SP100: variants seen among roughly 807,000 people sequenced by gnomAD.
SP100 encodes the protein nuclear autoantigen Sp-100.
Under a neutral mutation model 130.0 loss-of-function variants are expected in SP100, and 84 were observed. The ratio of observed to expected loss-of-function variants is 0.65; its 90% confidence interval spans 0.54 to 0.77. SP100 has a LOEUF of 0.77. SP100 is among the 30% of genes least tolerant of loss of function. SP100 has a pLI of 0.00. For missense variants in SP100, 978 were observed against 1,052.2 expected (o/e 0.93, Z 0.97); for synonymous variants, 331 against 351.7 (o/e 0.94, Z 0.66).
At chr2:230,442,869 C>T (rs17333189) in intron 2 of SP100, 68 bp from the exon 3 acceptor site, 236,193 of 1,374,646 alleles carry the variant, frequency 0.17, 20,983 homozygotes, top group Non-Finnish European at 0.18. Flanking sequence ...TATATGTAAA[C>T]TCTTACAGCC....
chr2:230,445,713 T>A (rs2063680352), intron 4 of SP100, among the ~76,000 whole-genome samples: 1 of 152,152 alleles, frequency 6.6e-6, no homozygotes, highest in East Asian at 1.9e-4. Context: ...AGCAGGATGG[T>A]CCAGGCTGCG....
intron 8 of SP100, among the ~76,000 whole-genome samples, chr2:230,453,840 T>C (rs1009119297): frequency 2.6e-5 from 4 of 152,210 alleles, no homozygotes; most frequent in African/African-American, 9.6e-5. Flanking sequence ...GTCCCTCTTA[T>C]TCAATTTTTA....
intron 2 of SP100, among the ~76,000 whole-genome samples, chr2:230,434,849 C>T (rs891247757): frequency 6.6e-6 from 1 of 152,070 alleles, no homozygotes; most frequent in Non-Finnish European, 1.5e-5. Context: ...ACAGCAGAGG[C>T]GAGTGTGGCC....
At chr2:230,505,245 A>G (rs1211623197) in intron 21 of SP100, among the ~76,000 whole-genome samples, 1 of 152,178 alleles carries the variant, frequency 6.6e-6, no homozygotes, top group Non-Finnish European at 1.5e-5. Flanking sequence ...CTATGAGGCC[A>G]TCTCCTCTTA....
At chr2:230,481,449 G>A (rs958513525) in intron 17 of SP100, among the ~76,000 whole-genome samples, 16 of 151,964 alleles carry the variant, frequency 1.1e-4, no homozygotes, top group African/African-American at 2.4e-4. Context: ...CTAACCCCTC[G>A]CACTCTCTCT....
intron 3 of SP100, among the ~76,000 whole-genome samples, chr2:230,443,580 G>T (rs2063554914): frequency 6.6e-6 from 1 of 152,180 alleles, no homozygotes; most frequent in South Asian, 2.1e-4. Flanking sequence ...GGACAAATTT[G>T]GAGGTAGATG....
At chr2:230,457,627 TG>T (rs2064351221) in intron 8 of SP100, among the ~76,000 whole-genome samples, 1 of 152,204 alleles carries the variant, frequency 6.6e-6, no homozygotes, top group South Asian at 2.1e-4. Flanking sequence ...TTCCTGGAGT[TG>T]GGGAAGATGA....
At position 230,417,558 on chromosome 2, in the gene SP100, T is replaced by G. The variant is rs376605309; in HGVS notation, c.33-33T>G. ...TAATTATTGAGGCAAAGGGTCCAGTTATTTACTTGGTCCTGCCAAATTGTC... is the reference window on the plus strand; with the variant it reads ...TAATTATTGAGGCAAAGGGTCCAGTGATTTACTTGGTCCTGCCAAATTGTC... On this transcript the variant is annotated intron_variant, in intron 1 of 28. Transcript: ENST00000340126. 4.4e-6 allele frequency: 7 copies of G among 1,603,910 alleles called. No homozygotes were observed. In the African/African-American group the frequency reaches 9.4e-5, roughly 21 times the overall value.
At chr2:230,494,007 T>C (rs1420865264) in intron 17 of SP100, 2 of 181,972 alleles carry the variant, frequency 1.1e-5, no homozygotes, top group Non-Finnish European at 2.3e-5. Flanking sequence ...ATTCACCCAC[T>C]TTGGCCTCCC....
intron 24 of SP100, among the ~76,000 whole-genome samples, chr2:230,531,790 G>T (rs991736808): frequency 6.6e-6 from 1 of 152,022 alleles, no homozygotes; most frequent in Non-Finnish European, 1.5e-5. Context: ...TGGGTGTGGT[G>T]GACCTAAGGA....
intron 24 of SP100, among the ~76,000 whole-genome samples, chr2:230,521,851 C>A (rs1197694939): frequency 6.6e-6 from 1 of 152,188 alleles, no homozygotes; most frequent in Non-Finnish European, 1.5e-5. Context: ...CTAGGAAGAA[C>A]AGCCTTTGAA....
intron 9 of SP100, among the ~76,000 whole-genome samples, chr2:230,461,948 CAAAAAAGAAAA>C (rs2064669609): frequency 8.0e-6 from 1 of 125,364 alleles, no homozygotes. Context: ...GACTCTGTCT[CAAAAAAGAAAA>C]AAAAAAGGAA....
Position 230,545,500 on chromosome 2 carries a change from C to T in SP100, c.*2554C>T, listed in dbSNP as rs986500756. 4.6e-5 allele frequency among the ~76,000 whole-genome samples: 7 copies of T among 152,010 alleles called. No homozygotes were observed. Among genetic ancestry groups the T allele is most frequent in the African/African-American group, 1.5e-4 (6 of 41,366 alleles). On this transcript the variant is annotated 3_prime_UTR_variant, in exon 29 of 29. Coordinates refer to ENST00000340126, the MANE Select transcript of SP100 (RefSeq NM_001080391.2). Reference sequence around the variant, plus strand: ...GATGAAGTACTCTGTACAACAAACCCGTGACAAGAGTTTCCCTATATAACA... The same window carrying T: ...GATGAAGTACTCTGTACAACAAACCTGTGACAAGAGTTTCCCTATATAACA...
At chr2:230,434,943 TGAA>T (rs1451575791) in intron 2 of SP100, among the ~76,000 whole-genome samples, 1 of 152,222 alleles carries the variant, frequency 6.6e-6, no homozygotes, top group Non-Finnish European at 1.5e-5. Context: ...CTTTCACTCA[TGAA>T]GAAATTGGGA....
intron 2 of SP100, among the ~76,000 whole-genome samples, chr2:230,418,043 T>A (rs1472151221): frequency 2.0e-5 from 3 of 152,184 alleles, no homozygotes; most frequent in Non-Finnish European, 4.4e-5. Context: ...ATTATTTCTG[T>A]GTTAAGGTGG....
intron 17 of SP100, among the ~76,000 whole-genome samples, chr2:230,483,689 G>A (rs1487675314): frequency 6.6e-6 from 1 of 152,118 alleles, no homozygotes; most frequent in Non-Finnish European, 1.5e-5. Flanking sequence ...AGCAGTGGAA[G>A]CGTTCAAAAG....
intron 2 of SP100, among the ~76,000 whole-genome samples, chr2:230,419,614 T>G (rs1382876673): frequency 6.6e-6 from 1 of 152,250 alleles, no homozygotes; most frequent in Non-Finnish European, 1.5e-5. Flanking sequence ...ATATCTACAG[T>G]ATGATGTTTT....
At chr2:230,530,352 C>T (rs757578062) in intron 24 of SP100, among the ~76,000 whole-genome samples, 6 of 152,092 alleles carry the variant, frequency 3.9e-5, no homozygotes, top group East Asian at 1.9e-4. Flanking sequence ...TTTAATAAAT[C>T]GTGCTGGGAA....
In SP100 at chr2:230,446,725, C is replaced by A. The variant is rs1306857901; in HGVS notation, c.440-94C>A. The A allele has an allele frequency of 6.5e-6, 5 of 764,886 alleles. No homozygotes were observed. In the African/African-American group the frequency reaches 8.8e-5, roughly 13 times the overall value. 47.4% of individuals were successfully genotyped at this position (764,886 alleles called of 1,614,324 possible). A position where few individuals can be genotyped will look rare whatever the true frequency, so the allele number is the denominator to read the frequency against. On this transcript the variant is annotated intron_variant, in intron 4 of 28. Coordinates refer to ENST00000340126, the MANE Select transcript of SP100 (RefSeq NM_001080391.2). ...GTGGAACCCTCTGAGCTCTGAGTCA[C>A]CCAAGGGCTGGAAATTCCTAAAAGC...
Sources: gnomAD v4.1 joint callset for allele counts (sites outside exome capture counted in the v4.1 genomes callset) on GRCh38, gnomAD v4.1.1 for gene constraint, MANE v1.5 for transcripts, NCBI Gene and HGNC (gene_info 2026-07-23, HGNC 2026-07-21) for gene names.